SLFN12L: variants seen among roughly 807,000 people sequenced by gnomAD.
SLFN12L encodes the protein schlafen family member 12-like.
In SLFN12L, 34 loss-of-function variants were observed where a neutral mutation model predicts 34.8. The observed-to-expected ratio is 0.98, with a 90% confidence interval of 0.74 to 1.30. The LOEUF (loss-of-function observed/expected upper bound fraction) is 1.30, where lower values mean the gene tolerates loss of function less well. Among genes scored for constraint, SLFN12L ranks in the 50% most tolerant of loss-of-function variants. SLFN12L has a pLI of 0.00. For missense variants in SLFN12L, 703 were observed against 696.2 expected (o/e 1.01, Z -0.11); for synonymous variants, 259 against 247.5 (o/e 1.05, Z -0.44).
At position 35,479,860 on chromosome 17, in the gene SLFN12L, T is replaced by C; in HGVS notation, c.422A>G (p.Asn141Ser). Reference protein sequence around the residue: ...FVPNFLDFMQNGNYFHIFVKS... With the variant: ...FVPNFLDFMQSGNYFHIFVKS... ...CACAAAAATGTGAAAGTAGTTACCA[T>C]TCTGCATGAAGTCCAGGAAATTAGG... is the stretch of plus-strand genomic sequence containing the variant. The change falls in exon 3 of 5, where the codon AAT becomes AGT. Residue 141 changes from asparagine (N) to serine (S), a missense_variant. Coordinates refer to ENST00000628453, the MANE Select transcript of SLFN12L (RefSeq NM_001363830.2). 6.2e-7 allele frequency: 1 copy of C among 1,607,794 alleles called. No homozygotes were observed. Among genetic ancestry groups the C allele is most frequent in the Non-Finnish European group, 8.5e-7 (1 of 1,176,404 alleles).
At chr17:35,496,188 A>G (rs1446963215) in intron 2 of SLFN12L, among the ~76,000 whole-genome samples, 2 of 151,998 alleles carry the variant, frequency 1.3e-5, no homozygotes, top group Non-Finnish European at 2.9e-5. Flanking sequence ...AATGAGGTTC[A>G]GAACTATTCC....
At chr17:35,482,759 T>C (rs1914397086) in intron 2 of SLFN12L, among the ~76,000 whole-genome samples, 1 of 152,080 alleles carries the variant, frequency 6.6e-6, no homozygotes, top group East Asian at 1.9e-4. Flanking sequence ...GCAGACAGAT[T>C]CCTGGGTCAA....
In SLFN12L at chr17:35,480,119, C is replaced by T; in HGVS notation, c.163G>A (p.Glu55Lys). The T allele has an allele frequency of 1.2e-6, 2 of 1,613,884 alleles. No individual in the cohort carries two copies. Among genetic ancestry groups the T allele is most frequent in the Non-Finnish European group, 1.7e-6 (2 of 1,179,964 alleles). Reference protein sequence around the residue: ...ISIDLDTNYAELVLNVGRVTL... With the variant: ...ISIDLDTNYAKLVLNVGRVTL... ...ACTCTTCCCACATTTAGAACCAGCT[C>T]AGCATAGTTTGTGTCTAAATCAATA... Residue 55 changes from glutamate (E) to lysine (K), a missense_variant, in exon 3 of 5, where the codon GAG becomes AAG. Coordinates refer to ENST00000628453, the MANE Select transcript of SLFN12L (RefSeq NM_001363830.2).
chr17:35,526,515 T>A (rs4795081), intron 1 of SLFN12L, among the ~76,000 whole-genome samples: 119,021 of 152,096 alleles, frequency 0.78, 47,395 homozygotes, highest in Non-Finnish European at 0.86. Flanking sequence ...ATCCTCTCAG[T>A]CCACAGTGCA....
intron 1 of SLFN12L, among the ~76,000 whole-genome samples, chr17:35,532,724 C>T (rs961291503): frequency 1.3e-5 from 2 of 151,844 alleles, no homozygotes; most frequent in African/African-American, 4.8e-5. Context: ...AAATCCTCAC[C>T]CCTACTGAAA....
chr17:35,471,428 C>T lies in SLFN12L; in HGVS notation c.*3495G>A, dbSNP rs532532027. Among the ~76,000 whole-genome samples the T allele has an allele frequency of 4.6e-5, 7 of 152,236 alleles. No individual in the cohort carries two copies. The East Asian group carries it at 1.2e-3, about 25-fold the overall frequency. The stretch of plus-strand genomic sequence containing the variant: ...CTGGGATTACAGGCATGAGCCACCG[C>T]GCCACGCCTGCATGTATCTTTATAG... On this transcript the variant is annotated 3_prime_UTR_variant, in exon 5 of 5. Transcript: ENST00000628453.
Position 35,469,622 on chromosome 17 carries a change from C to A in SLFN12L, c.*5301G>T, listed in dbSNP as rs1359861072. On this transcript the variant is annotated 3_prime_UTR_variant, in exon 5 of 5. Transcript: ENST00000628453. ...TTTCTTACGATGATGCCAAATAGGC[C>A]CAGGGGCAATGGGTCTTACTGTGTT... 6.6e-6 allele frequency among the ~76,000 whole-genome samples: 1 copy of A among 151,880 alleles called. No individual in the cohort carries two copies. The highest frequency in any genetic ancestry group is 1.5e-5 in the Non-Finnish European group (1 of 68,006).
intron 1 of SLFN12L, among the ~76,000 whole-genome samples, chr17:35,535,121 G>T (rs1279909352): frequency 6.6e-6 from 1 of 151,910 alleles, no homozygotes. Context: ...TATGGGTGAG[G>T]CTCAAATCCA....
chr17:35,475,331 C>T lies in SLFN12L; in HGVS notation c.1431G>A (p.Leu477=). Residue 477 remains leucine, a synonymous_variant, in exon 5 of 5, where the codon TTG becomes TTA. Transcript: ENST00000628453. ...FSRSWSLDLG[L]QENHKVLCDA... Reference sequence around the variant, plus strand: ...CACAGAGGACTTTGTGGTTCTCTTGCAAGCCCAGATCCAAAGACCAGCTCC... The same window carrying T: ...CACAGAGGACTTTGTGGTTCTCTTGTAAGCCCAGATCCAAAGACCAGCTCC... 6.2e-7 allele frequency: 1 copy of T among 1,614,178 alleles called. No homozygotes were observed. Among genetic ancestry groups the T allele is most frequent in the Non-Finnish European group, 8.5e-7 (1 of 1,180,042 alleles).
Position 35,466,663 on chromosome 17 carries a change from A to C in SLFN12L, c.*8260T>G, listed in dbSNP as rs188740115. On this transcript the variant is annotated 3_prime_UTR_variant, in exon 5 of 5. Transcript: ENST00000628453. The stretch of plus-strand genomic sequence containing the variant: ...TAACTCACAAATGAACCCACTTTAA[A>C]TGTGGCAGCCTCAAACAAAAAGGCT... 1.7e-4 allele frequency among the ~76,000 whole-genome samples: 26 copies of C among 152,356 alleles called. No homozygotes were observed. The highest frequency in any genetic ancestry group is 9.8e-4 in the Admixed American group (15 of 15,306).
chr17:35,522,405 C>A lies in SLFN12L; in HGVS notation c.-41G>T. On this transcript the variant is annotated 5_prime_UTR_variant, in exon 2 of 5. Coordinates refer to ENST00000628453, the MANE Select transcript of SLFN12L (RefSeq NM_001363830.2). ...GATGGTCTTTCCTAAGCCAGGTAAG[C>A]CATGGACAAACAATTCTCTGTTCTT... 6.2e-7 allele frequency: 1 copy of A among 1,614,118 alleles called. No individual in the cohort carries two copies. Among genetic ancestry groups the A allele is most frequent in the Non-Finnish European group, 8.5e-7 (1 of 1,180,012 alleles).
At chr17:35,504,751 C>T (rs1219156339) in intron 2 of SLFN12L, among the ~76,000 whole-genome samples, 3 of 152,212 alleles carry the variant, frequency 2.0e-5, no homozygotes, top group East Asian at 1.9e-4. Context: ...TTGTCTCTCA[C>T]GACAGGGAGG....
rs940786395 is a variant in SLFN12L, at chr17:35,473,511, G to A, written c.*1412C>T. On this transcript the variant is annotated 3_prime_UTR_variant, in exon 5 of 5. Transcript: ENST00000628453. ...TCCCAGGGATGAGGCCCACTTGATCGTGGTGGATAAGCTTTTCTGACATGC... is the reference window on the plus strand; with the variant it reads ...TCCCAGGGATGAGGCCCACTTGATCATGGTGGATAAGCTTTTCTGACATGC... 5.3e-5 allele frequency among the ~76,000 whole-genome samples: 8 copies of A among 152,164 alleles called. No individual in the cohort carries two copies. The highest frequency in any genetic ancestry group is 4.8e-5 in the African/African-American group (2 of 41,442).
chr17:35,498,770 T>C (rs1915188137), intron 2 of SLFN12L: 2 of 1,063,516 alleles, frequency 1.9e-6, no homozygotes, highest in East Asian at 4.8e-5. Context: ...ACAGCTATAC[T>C]GCCCTGTGCA....
intron 2 of SLFN12L, among the ~76,000 whole-genome samples, chr17:35,500,659 G>A (rs1915261443): frequency 6.6e-6 from 1 of 151,980 alleles, no homozygotes; most frequent in Non-Finnish European, 1.5e-5. Flanking sequence ...AACCCAGGAG[G>A]CAGAGCTTGC....
chr17:35,497,313 C>G (rs1281562422), intron 2 of SLFN12L, among the ~76,000 whole-genome samples: 1 of 152,096 alleles, frequency 6.6e-6, no homozygotes, highest in Non-Finnish European at 1.5e-5. Flanking sequence ...ATCGCTTGAA[C>G]CCGGGAGGCG....
intron 2 of SLFN12L, among the ~76,000 whole-genome samples, chr17:35,504,944 C>T (rs1475407126): frequency 4.6e-5 from 7 of 152,186 alleles, no homozygotes; most frequent in African/African-American, 1.7e-4. Flanking sequence ...TTGGCTATCC[C>T]TTTCACCCTG....
chr17:35,496,863 G>C (rs1386108760), intron 2 of SLFN12L, among the ~76,000 whole-genome samples: 1 of 152,136 alleles, frequency 6.6e-6, no homozygotes, highest in Non-Finnish European at 1.5e-5. Context: ...GTCACCAAGG[G>C]CCCAAAACGT....
chr17:35,487,698 A>G, intron 2 of SLFN12L: 1 of 1,469,794 alleles, frequency 6.8e-7, no homozygotes, highest in Non-Finnish European at 8.9e-7. Context: ...GGCGAAAAAA[A>G]AGTTATTTAA....
Sources: allele counts gnomAD v4.1 joint callset (sites outside exome capture counted in the v4.1 genomes callset), GRCh38; gene constraint gnomAD v4.1.1; transcripts MANE v1.5; gene names NCBI Gene and HGNC (gene_info 2026-07-23, HGNC 2026-07-21).